Variants in CLSTN2 observed in about 807,000 individuals in gnomAD.
The protein encoded by CLSTN2 is calsyntenin 2.
CLSTN2 carries 48 observed loss-of-function variants against 101.2 expected under a neutral mutation model. The ratio of observed to expected loss-of-function variants is 0.47; its 90% CI spans 0.38 to 0.60. The LOEUF (loss-of-function observed/expected upper bound fraction) is 0.60. CLSTN2 is among the 20% of genes least tolerant of loss of function. CLSTN2 has a pLI of 0.00. For synonymous variants in CLSTN2, 481 were observed against 463.6 expected (o/e 1.04, Z -0.48); for missense variants, 1,160 against 1,238.2 (o/e 0.94, Z 0.95).
At chr3:140,414,312 A>G (rs556629538) in intron 4 of CLSTN2, among the ~76,000 whole-genome samples, 2 of 152,262 alleles carry the variant, frequency 1.3e-5, no homozygotes, top group South Asian at 4.1e-4. Context: ...GAAATAAAAT[A>G]CTTAGAAATA....
chr3:140,322,722 A>C (rs1044262508), intron 2 of CLSTN2, among the ~76,000 whole-genome samples: 5 of 152,184 alleles, frequency 3.3e-5, no homozygotes, highest in Non-Finnish European at 5.9e-5. Context: ...GAATGCTGTC[A>C]CTCCTAGAAT....
intron 8 of CLSTN2, among the ~76,000 whole-genome samples, chr3:140,499,982 G>A (rs535574992): frequency 6.6e-6 from 1 of 152,176 alleles, no homozygotes; most frequent in Non-Finnish European, 1.5e-5. Context: ...CGGGAGAATG[G>A]TGTGAACCTG....
chr3:139,948,343 T>TA (rs1323863759), intron 1 of CLSTN2, among the ~76,000 whole-genome samples: 1 of 152,032 alleles, frequency 6.6e-6, no homozygotes, highest in African/African-American at 2.4e-5. Context: ...TGGGTGCCTG[T>TA]AATCCCAGCT....
At chr3:140,132,756 A>T (rs1012120490) in intron 1 of CLSTN2, among the ~76,000 whole-genome samples, 1 of 152,182 alleles carries the variant, frequency 6.6e-6, no homozygotes, top group Admixed American at 6.5e-5. Flanking sequence ...TGCAAAAGCA[A>T]CTCAACTAAT....
intron 2 of CLSTN2, among the ~76,000 whole-genome samples, chr3:140,375,423 G>A (rs906689485): frequency 6.6e-6 from 1 of 152,190 alleles, no homozygotes; most frequent in African/African-American, 2.4e-5. Flanking sequence ...TGCCTGGGAA[G>A]GCCATGACAG....
rs562251684 is a variant in CLSTN2, at chr3:139,944,298, C to T, written c.109+8815C>T. Among the ~76,000 whole-genome samples, 29 of 152,288 alleles carry T rather than the reference C, an allele frequency of 1.9e-4. No individual in the cohort carries two copies. In the East Asian group the frequency reaches 2.1e-3, roughly 11 times the overall value. On this transcript the variant is annotated intron_variant, in intron 1 of 16. Coordinates refer to ENST00000458420, the MANE Select transcript of CLSTN2 (RefSeq NM_022131.3). ...TCAGAGTCCCCCCTTTTATCCAGCCCTGGATGCAAAGTGGAGCCACTTGAG... is the reference window on the plus strand; with the variant it reads ...TCAGAGTCCCCCCTTTTATCCAGCCTTGGATGCAAAGTGGAGCCACTTGAG...
chr3:140,398,120 C>G (rs1020745750), intron 2 of CLSTN2, among the ~76,000 whole-genome samples: 1 of 152,086 alleles, frequency 6.6e-6, no homozygotes, highest in Admixed American at 6.5e-5. Flanking sequence ...GTTCATCTGT[C>G]AATCATTCTT....
chr3:139,997,177 A>G (rs1361720661), intron 1 of CLSTN2, among the ~76,000 whole-genome samples: 1 of 151,954 alleles, frequency 6.6e-6, no homozygotes, highest in Non-Finnish European at 1.5e-5. Context: ...TTAATATATT[A>G]ATGTTTTGTT....
At chr3:140,341,197 G>A (rs2087488544) in intron 2 of CLSTN2, among the ~76,000 whole-genome samples, 1 of 152,134 alleles carries the variant, frequency 6.6e-6, no homozygotes, top group Non-Finnish European at 1.5e-5. Context: ...TATAATCAAA[G>A]AGAAAGGAGC....
At chr3:139,937,959 G>A (rs1935058011) in intron 1 of CLSTN2, among the ~76,000 whole-genome samples, 1 of 151,812 alleles carries the variant, frequency 6.6e-6, no homozygotes, top group African/African-American at 2.4e-5. Context: ...CATTTATTAT[G>A]ACACTTTAGT....
At chr3:140,073,444 T>G (rs1454403989) in intron 1 of CLSTN2, among the ~76,000 whole-genome samples, 1 of 152,206 alleles carries the variant, frequency 6.6e-6, no homozygotes. Context: ...GCTGACTAAT[T>G]TGGGACTTGA....
chr3:140,065,520 A>T (rs529048632), intron 1 of CLSTN2, among the ~76,000 whole-genome samples: 1 of 152,356 alleles, frequency 6.6e-6, no homozygotes, highest in Admixed American at 6.5e-5. Flanking sequence ...AAAACTTCAC[A>T]ACTTCAGGTA....
chr3:140,084,463 T>C (rs2008648042), intron 1 of CLSTN2, among the ~76,000 whole-genome samples: 2 of 152,204 alleles, frequency 1.3e-5, no homozygotes, highest in Non-Finnish European at 2.9e-5. Context: ...GGAATAAGTG[T>C]GTATGTAGAT....
chr3:140,049,940 T>C (rs1310216080), intron 1 of CLSTN2, among the ~76,000 whole-genome samples: 1 of 152,226 alleles, frequency 6.6e-6, no homozygotes, highest in Admixed American at 6.5e-5. Flanking sequence ...TCTACCGACT[T>C]GCTTCATCTG....
At chr3:140,436,426 T>C (rs1417221500) in intron 5 of CLSTN2, among the ~76,000 whole-genome samples, 1 of 152,206 alleles carries the variant, frequency 6.6e-6, no homozygotes, top group Non-Finnish European at 1.5e-5. Flanking sequence ...ATTAGAGATG[T>C]GGTGAGGTTT....
Position 140,271,068 on chromosome 3 carries a change from C to T in CLSTN2, c.232+94995C>T, listed in dbSNP as rs151221146. On this transcript the variant is annotated intron_variant, in intron 2 of 16. Transcript: ENST00000458420. The stretch of plus-strand genomic sequence containing the variant: ...CGGCGTCTCTGGGTGATTTCCTTCC[C>T]GGGGAGCCACATAATCACTTTGCAC... Among the ~76,000 whole-genome samples the T allele has an allele frequency of 7.9e-5, 12 of 152,240 alleles. No individual in the cohort carries two copies. The East Asian group carries it at 9.7e-4, about 12-fold the overall frequency.
rs1241483610 is a variant in CLSTN2 at position 140,064,235 on chromosome 3, C to T, written c.110-111716C>T. 2.0e-5 allele frequency among the ~76,000 whole-genome samples: 3 copies of T among 152,196 alleles called. No individual in the cohort carries two copies. The South Asian group carries it at 6.2e-4, about 32-fold the overall frequency. ...CTAAGACAGGCCATCAACAGTTATG[C>T]AATCCCTTTTGCTGAAGAAGGATTG... On this transcript the variant is annotated intron_variant, in intron 1 of 16. Transcript: ENST00000458420.
intron 1 of CLSTN2, among the ~76,000 whole-genome samples, chr3:139,946,779 G>A (rs1935221743): frequency 6.6e-6 from 1 of 152,198 alleles, no homozygotes; most frequent in Admixed American, 6.5e-5. Flanking sequence ...GCTGTAGTGT[G>A]TCACTAGGAG....
intron 5 of CLSTN2, among the ~76,000 whole-genome samples, chr3:140,423,461 T>C (rs575376279): frequency 5.3e-5 from 8 of 152,286 alleles, no homozygotes; most frequent in African/African-American, 1.9e-4. Flanking sequence ...TACCTTTCTG[T>C]GGAATAAAGA....
Sources: gnomAD v4.1 joint callset for allele counts (sites outside exome capture counted in the v4.1 genomes callset) on GRCh38, gnomAD v4.1.1 for gene constraint, MANE v1.5 for transcripts, NCBI Gene and HGNC (gene_info 2026-07-23, HGNC 2026-07-21) for gene names.